The following ATXN2L variants were observed in gnomAD, a reference collection of about 807,000 sequenced individuals.
ATXN2L encodes the protein ataxin-2-like protein.
A neutral mutation model predicts 120.7 loss-of-function variants in ATXN2L; 24 were observed. The observed-to-expected ratio is 0.20, with a 90% CI of 0.14 to 0.28. The LOEUF (loss-of-function observed/expected upper bound fraction) is 0.28, where lower values mean the gene tolerates loss of function less well. ATXN2L is among the 10% of genes least tolerant of loss of function. The pLI, the probability that ATXN2L is intolerant of heterozygous loss-of-function variation, is 1.00. For synonymous variants in ATXN2L, 653 were observed against 568.1 expected, an observed-to-expected ratio of 1.15 and a Z score of -2.13; for missense variants, 1,312 against 1,432.3, an observed-to-expected ratio of 0.92 and a Z score of 1.36.
rs750987200 is a variant in ATXN2L, at chr16:28,834,102, G to A, written c.2063G>A (p.Arg688Gln). The A allele has an allele frequency of 2.5e-6, 4 of 1,614,076 alleles. No individual in the cohort carries two copies. The highest frequency in any genetic ancestry group is 2.2e-5 in the East Asian group (1 of 44,884). Residue 688 changes from arginine to glutamine, a missense_variant, in exon 16 of 22, where the codon CGG becomes CAG. Arg to Gln is a conservative substitution (Grantham distance 43, BLOSUM62 1). Coordinates refer to ENST00000336783, the MANE Select transcript of ATXN2L (RefSeq NM_007245.4). The stretch of plus-strand genomic sequence containing the variant: ...AGTACCCCAACTTCTCCGGGGCCCC[G>A]GACTCATTCAACTCCCTCCATCCCG... ...STSTPTSPGP[R>Q]THSTPSIPVL...
chr16:28,824,349 T>C, intron 1 of ATXN2L: 6 of 1,204,528 alleles, frequency 5.0e-6, no homozygotes, highest in Non-Finnish European at 6.4e-6. Context: ...TGGGCTCTGA[T>C]CGCTGGAGGT....
Position 28,833,337 on chromosome 16 carries a change from T to A in ATXN2L, c.1938T>A (p.Asp646Glu). The A allele has an allele frequency of 6.2e-7, 1 of 1,613,246 alleles. No individual in the cohort carries two copies. The highest frequency in any genetic ancestry group is 2.2e-5 in the East Asian group (1 of 44,852). The change falls in exon 14 of 22, where the codon GAT (aspartate) becomes GAA (glutamate). Residue 646 changes from aspartate (D) to glutamate (E), a missense_variant. By Grantham distance (45) the Asp-to-Glu change is conservative (BLOSUM62 2). Coordinates refer to ENST00000336783, the MANE Select transcript of ATXN2L (RefSeq NM_007245.4). ...PVGLIKGEDK[D>E]EGPVAEQVKK... ...GCCTCATCAAGGGAGAAGACAAAGA[T>A]GAGGGCCCTGTTGCTGAGTGAGTGG...
rs142128064 is a variant in ATXN2L at position 28,827,610 on chromosome 16, G to A, written c.741+624G>A. ...CATGAGGCTGAGCGCAGTGGCTCAT[G>A]CCTGTAGTCCCAGCTACTTGGGAGG... On this transcript the variant is annotated intron_variant, in intron 6 of 21. Transcript: ENST00000336783. Among the ~76,000 whole-genome samples, 64 of 151,850 alleles carry A rather than the reference G, an allele frequency of 4.2e-4. No homozygotes were observed. The East Asian group carries it at 9.5e-3, about 23-fold the overall frequency.
At position 28,837,088 on chromosome 16, in the gene ATXN2L, C is replaced by T. The variant is rs1390783503; in HGVS notation, c.*823C>T. ...TATTATTTATAACTTCAGACTTGGG[C>T]CCCCTGTTCTTTCTTTCCCATTAAC... On this transcript the variant is annotated 3_prime_UTR_variant, in exon 22 of 22. Transcript: ENST00000336783. The T allele has an allele frequency of 1.8e-6, 1 of 548,054 alleles. No homozygotes were observed. Among genetic ancestry groups the T allele is most frequent in the Non-Finnish European group, 3.4e-6 (1 of 290,200 alleles). The allele number at this position is 548,054 out of a possible 1,614,324, so 33.9% of individuals were successfully genotyped here.
Position 28,830,949 on chromosome 16 carries a change from A to C in ATXN2L, c.1211-13A>C, listed in dbSNP as rs1283795031. 1.9e-6 allele frequency: 3 copies of C among 1,547,888 alleles called. No homozygotes were observed. Among genetic ancestry groups the C allele is most frequent in the Non-Finnish European group, 1.7e-6 (2 of 1,155,790 alleles). ...ACATTTTCTTCTCAAAAAAAAAAAA[A>C]AAAACCAAACAGGCCCTTCCCGCAT... On this transcript the variant is annotated splice_polypyrimidine_tract_variant and intron_variant, in intron 9 of 21. Transcript: ENST00000336783.
intron 12 of ATXN2L, 122 bp from the exon 13 acceptor site, chr16:28,832,695 C>G: frequency 7.1e-7 from 1 of 1,408,962 alleles, no homozygotes; most frequent in Non-Finnish European, 9.9e-7. Flanking sequence ...AATTTCACTT[C>G]TGTGATCCTC....
At chr16:28,826,481 GGTTT>G (rs758141592) in intron 5 of ATXN2L, 91 bp downstream of exon 5, 744 of 1,434,912 alleles carry the variant, frequency 5.2e-4, no homozygotes, top group Non-Finnish European at 5.2e-4. Context: ...TGATGTGTTT[GGTTT>G]GTTTTTTTGT....
chr16:28,826,053 T>C, intron 4 of ATXN2L, 187 bp from the exon 5 acceptor site: 1 of 824,846 alleles, frequency 1.2e-6, no homozygotes, highest in Non-Finnish European at 1.9e-6. Flanking sequence ...GTGAGACTTT[T>C]GCTAAGTCCT....
intron 6 of ATXN2L, among the ~76,000 whole-genome samples, chr16:28,827,278 A>G (rs1567405184): frequency 6.6e-6 from 1 of 152,140 alleles, no homozygotes; most frequent in Non-Finnish European, 1.5e-5. Context: ...AACAAGATAT[A>G]TAAAAGCTAT....
At position 28,829,507 on chromosome 16, in the gene ATXN2L, GCT is replaced by G; in HGVS notation, c.833+19_833+20del. The G allele has an allele frequency of 1.3e-6, 2 of 1,539,424 alleles. No homozygotes were observed. Among genetic ancestry groups the G allele is most frequent in the Non-Finnish European group, 9.0e-7 (1 of 1,112,140 alleles). On this transcript the variant is annotated intron_variant, in intron 7 of 21. Transcript: ENST00000336783. ...TCTTCTTATACGTGAGTATCTTGGT[GCT>G]CTCCAGGTGATGTGTTGGTGATATG...
chr16:28,828,533 G>A (rs2053114465), intron 6 of ATXN2L, among the ~76,000 whole-genome samples: 1 of 150,748 alleles, frequency 6.6e-6, no homozygotes, highest in Non-Finnish European at 1.5e-5. Context: ...GTTGCGGTGA[G>A]CCAAGATCGC....
At chr16:28,824,217 GAC>G in intron 1 of ATXN2L, 2 of 1,092,762 alleles carry the variant, frequency 1.8e-6, no homozygotes, top group Non-Finnish European at 2.2e-6. Context: ...CTAGGGCAGG[GAC>G]TAGTTCGTGG....
chr16:28,834,114 C>A lies in ATXN2L; in HGVS notation c.2075C>A (p.Thr692Asn), dbSNP rs780602193. ...PTSPGPRTHS[T>N]PSIPVLTAGQ... ...TCTCCGGGGCCCCGGACTCATTCAA[C>A]TCCCTCCATCCCGGTGCTGACAGCA... The change falls in exon 16 of 22, where the codon ACT becomes AAT. Residue 692 changes from threonine (T) to asparagine (N), a missense_variant. By Grantham distance (65) the Thr-to-Asn change is moderately conservative. Coordinates refer to ENST00000336783, the MANE Select transcript of ATXN2L (RefSeq NM_007245.4). The A allele has an allele frequency of 6.2e-7, 1 of 1,614,182 alleles. No homozygotes were observed. Among genetic ancestry groups the A allele is most frequent in the South Asian group, 1.1e-5 (1 of 91,086 alleles).
intron 4 of ATXN2L, 157 bp from the exon 5 acceptor site, chr16:28,826,083 C>T (rs1596865858): frequency 4.3e-6 from 4 of 930,718 alleles, no homozygotes; most frequent in East Asian, 5.1e-5. Context: ...GTTGAGAAAA[C>T]AATGCACTTG....
chr16:28,832,204 G>A lies in ATXN2L; in HGVS notation c.1322-1G>A. 6.2e-7 allele frequency: 1 copy of A among 1,614,024 alleles called. No individual in the cohort carries two copies. Among genetic ancestry groups the A allele is most frequent in the Non-Finnish European group, 8.5e-7 (1 of 1,179,984 alleles). The stretch of plus-strand genomic sequence containing the variant: ...TCCTACAGCTCCCCCTTTTCTTCCA[G>A]TGGGCCGGATGTATCCCCCGCGTTC... On this transcript the variant is annotated splice_acceptor_variant, in intron 10 of 21. Transcript: ENST00000336783. LOFTEE classifies it high-confidence loss of function.
In ATXN2L at chr16:28,832,201, C is replaced by CGAA; in HGVS notation, c.1322-4_1322-3insGAA. ...CCATCCTACAGCTCCCCCTTTTCTT[C>CGAA]CAGTGGGCCGGATGTATCCCCCGCG... On this transcript the variant is annotated splice_region_variant and splice_polypyrimidine_tract_variant and intron_variant, in intron 10 of 21. Coordinates refer to ENST00000336783, the MANE Select transcript of ATXN2L (RefSeq NM_007245.4). 6.2e-7 allele frequency: 1 copy of CGAA among 1,614,024 alleles called. No homozygotes were observed. The highest frequency in any genetic ancestry group is 8.5e-7 in the Non-Finnish European group (1 of 1,179,928).
chr16:28,835,465 G>GC, intron 20 of ATXN2L, 66 bp downstream of exon 20: 2 of 1,611,266 alleles, frequency 1.2e-6, no homozygotes, highest in Admixed American at 1.7e-5. Flanking sequence ...AAGGGATAGA[G>GC]CTAGGGGTCA....
chr16:28,834,558 G>A lies in ATXN2L; in HGVS notation c.2298G>A (p.Pro766=), dbSNP rs752625930. The part of the protein sequence containing the change: ...SDQHQPASAP[P]MMQAAAAAGP... ...AACACCAGCCAGCCTCAGCCCCGCCGATGATGCAGGCCGCCGCGGCTGCTG... is the reference window on the plus strand; with the variant it reads ...AACACCAGCCAGCCTCAGCCCCGCCAATGATGCAGGCCGCCGCGGCTGCTG... Residue 766 remains proline, a synonymous_variant, in exon 18 of 22, where the codon CCG becomes CCA. Transcript: ENST00000336783. The A allele has an allele frequency of 1.6e-5, 25 of 1,612,306 alleles. No homozygotes were observed. The highest frequency in any genetic ancestry group is 6.7e-5 in the Admixed American group (4 of 59,966).
intron 1 of ATXN2L, among the ~76,000 whole-genome samples, chr16:28,825,057 TAAAA>T (rs369989480): frequency 7.3e-6 from 1 of 137,648 alleles, no homozygotes; most frequent in Non-Finnish European, 1.6e-5. Context: ...TACTAAAAAT[TAAAA>T]AAAAAAAAAG....
Sources: gnomAD v4.1 joint callset for allele counts (sites outside exome capture counted in the v4.1 genomes callset) on GRCh38, gnomAD v4.1.1 for gene constraint, MANE v1.5 for transcripts, NCBI Gene and HGNC (gene_info 2026-07-23, HGNC 2026-07-21) for gene names.